Variants in CDHR1 observed in about 807,000 individuals in gnomAD.
The protein encoded by CDHR1 is cadherin related family member 1, also known as cadherin-related family member 1.
In CDHR1, 61 loss-of-function variants were observed where a neutral mutation model predicts 72.1. The ratio of observed to expected loss-of-function variants is 0.85; its 90% CI spans 0.69 to 1.05. The LOEUF (loss-of-function observed/expected upper bound fraction) is 1.05, where lower values mean the gene tolerates loss of function less well. Among genes scored for constraint, CDHR1 ranks in the 50% least tolerant of loss-of-function variants. CDHR1 has a pLI of 0.00. For synonymous variants in CDHR1, 470 were observed against 448.1 expected (o/e 1.05, Z -0.62); for missense variants, 1,186 against 1,115.7 (o/e 1.06, Z -0.90).
At chr10:84,210,548 T>A (rs1203384069) in intron 12 of CDHR1, among the ~76,000 whole-genome samples, 1 of 152,212 alleles carries the variant, frequency 6.6e-6, no homozygotes, top group Non-Finnish European at 1.5e-5. Context: ...ATTACAGGTG[T>A]GAGCCACTGC....
intron 9 of CDHR1, 51 bp downstream of exon 9, chr10:84,204,656 G>T: frequency 7.8e-7 from 1 of 1,281,556 alleles, no homozygotes; most frequent in South Asian, 1.2e-5. Context: ...TAGGTGACCA[G>T]AGCAAGGTTC....
intron 8 of CDHR1, among the ~76,000 whole-genome samples, chr10:84,203,807 T>C (rs897609900): frequency 6.6e-6 from 1 of 152,156 alleles, no homozygotes; most frequent in African/African-American, 2.4e-5. Context: ...GCCGGACTGC[T>C]CTGGATGGGG....
At chr10:84,212,986 C>G in intron 15 of CDHR1, 105 bp from the exon 16 acceptor site, 1 of 1,408,176 alleles carries the variant, frequency 7.1e-7, no homozygotes, top group Non-Finnish European at 1.0e-6. Flanking sequence ...AGGATCAGGA[C>G]CATTTCCCAT....
In CDHR1 at chr10:84,208,813, CA is replaced by C; in HGVS notation, c.1254del (p.Val419SerfsTer19). 1 of 1,614,198 alleles carries C rather than the reference CA, an allele frequency of 6.2e-7. No individual in the cohort carries two copies. The highest frequency in any genetic ancestry group is 8.5e-7 in the Non-Finnish European group (1 of 1,180,018). On this transcript the variant is annotated frameshift_variant, in exon 12 of 17. Transcript: ENST00000623527. LOFTEE classifies it high-confidence loss of function. ...TCCACAGACAGTCCTGAATGAAGCC[CA>C]AGTCACAATCATTGTGGAGAACTCA... ...VVPQTVLNEA[Q>X]VTIIVENSAA...
intron 13 of CDHR1, 36 bp downstream of exon 13, chr10:84,211,201 A>G: frequency 6.2e-7 from 1 of 1,609,762 alleles, no homozygotes; most frequent in Non-Finnish European, 8.5e-7. Flanking sequence ...TGGGTGGGAT[A>G]GGAGGCCTTG....
chr10:84,211,745 C>A (rs756801491), intron 14 of CDHR1, 30 bp downstream of exon 14: 96 of 1,591,016 alleles, frequency 6.0e-5, no homozygotes, highest in Non-Finnish European at 6.3e-5. Context: ...AGGACAGGGC[C>A]TTGGGCAAGG....
At chr10:84,219,393 G>A (rs1372148952), downstream of CDHR1, 12 of 1,430,736 alleles carry the variant, frequency 8.4e-6, no homozygotes, top group Middle Eastern at 2.4e-4. Flanking sequence ...GCTCTCCCCT[G>A]CACTGCTTGC....
Position 84,215,238 on chromosome 10 carries a change from C to T in CDHR1, c.*617C>T. The T allele has an allele frequency of 1.0e-6, 1 of 992,744 alleles. No individual in the cohort carries two copies. The highest frequency in any genetic ancestry group is 4.6e-5 in the South Asian group (1 of 21,976). The allele number at this position is 992,744 out of a possible 1,614,324, so 61.5% of individuals were successfully genotyped here. ...GGAAAGATAGAGCATTCTGTCTGGG[C>T]AGAGACTGTGGACCCTGGTATGCCC... On this transcript the variant is annotated 3_prime_UTR_variant, in exon 17 of 17. Coordinates refer to ENST00000623527, the MANE Select transcript of CDHR1 (RefSeq NM_033100.4).
intron 10 of CDHR1, among the ~76,000 whole-genome samples, chr10:84,207,679 T>C (rs1463098622): frequency 6.6e-6 from 1 of 152,168 alleles, no homozygotes; most frequent in African/African-American, 2.4e-5. Flanking sequence ...TACACATTCA[T>C]ATCTCATAGT....
rs1443966998 is a variant in CDHR1 at position 84,215,320 on chromosome 10, T to C, written c.*699T>C. 1 of 986,700 alleles carries C rather than the reference T, an allele frequency of 1.0e-6. No homozygotes were observed. Among genetic ancestry groups the C allele is most frequent in the Non-Finnish European group, 1.2e-6 (1 of 830,974 alleles). 61.1% of individuals were successfully genotyped at this position (986,700 alleles called of 1,614,324 possible). On this transcript the variant is annotated 3_prime_UTR_variant, in exon 17 of 17. Coordinates refer to ENST00000623527, the MANE Select transcript of CDHR1 (RefSeq NM_033100.4). Reference sequence around the variant, plus strand: ...TGATCTTGCCAAGAGTGAGGGCAGATGTCTCCAGCCAGGACTGCCCTGAGC... The same window carrying C: ...TGATCTTGCCAAGAGTGAGGGCAGACGTCTCCAGCCAGGACTGCCCTGAGC...
chr10:84,209,329 G>C (rs1358416306), intron 12 of CDHR1, among the ~76,000 whole-genome samples: 1 of 152,038 alleles, frequency 6.6e-6, no homozygotes, highest in Non-Finnish European at 1.5e-5. Context: ...TATATAATAT[G>C]TTAATAGGAA....
Position 84,214,899 on chromosome 10 carries a change from C to T in CDHR1, c.*278C>T. On this transcript the variant is annotated 3_prime_UTR_variant, in exon 17 of 17. Coordinates refer to ENST00000623527, the MANE Select transcript of CDHR1 (RefSeq NM_033100.4). ...CAAATCCTTGGCACTACTACAATGCCCTCCATTCTTCAGGGCTGAGAATTG... is the reference window on the plus strand; with the variant it reads ...CAAATCCTTGGCACTACTACAATGCTCTCCATTCTTCAGGGCTGAGAATTG... 1 of 1,390,916 alleles carries T rather than the reference C, an allele frequency of 7.2e-7. No individual in the cohort carries two copies. Among genetic ancestry groups the T allele is most frequent in the Admixed American group, 2.9e-5 (1 of 34,008 alleles). 86.2% of individuals were successfully genotyped at this position (1,390,916 alleles called of 1,614,324 possible).
Position 84,200,684 on chromosome 10 carries a change from G to T in CDHR1, c.522G>T (p.Leu174=). 1 of 1,607,096 alleles carries T rather than the reference G, an allele frequency of 6.2e-7. No individual in the cohort carries two copies. The highest frequency in any genetic ancestry group is 1.7e-4 in the Middle Eastern group (1 of 6,026). Residue 174 remains leucine (L), a synonymous_variant, in exon 6 of 17, where the codon CTG becomes CTT. Coordinates refer to ENST00000623527, the MANE Select transcript of CDHR1 (RefSeq NM_033100.4). ...CTGGAGGGAGTGTCACCTACTTCCT[G>T]CAGGTAAGGCAGGACACACAGGACC... The part of the protein sequence containing the change: ...TGSGGSVTYF[L]QNLHSPFAVD...
At chr10:84,203,215 G>A in intron 8 of CDHR1, 92 bp downstream of exon 8, 5 of 1,542,232 alleles carry the variant, frequency 3.2e-6, no homozygotes, top group South Asian at 1.1e-5. Context: ...GAGATGGCTG[G>A]TCTGGTCCCG....
intron 9 of CDHR1, among the ~76,000 whole-genome samples, chr10:84,204,975 G>T (rs1842198586): frequency 6.6e-6 from 1 of 152,182 alleles, no homozygotes; most frequent in South Asian, 2.1e-4. Context: ...GCATATAGAT[G>T]AATTAAATGA....
intron 10 of CDHR1, among the ~76,000 whole-genome samples, chr10:84,206,544 A>G (rs1842229628): frequency 6.6e-6 from 1 of 152,216 alleles, no homozygotes; most frequent in African/African-American, 2.4e-5. Context: ...CCTGCAAATT[A>G]TGTAGCTGGT....
At chr10:84,208,704 T>G (rs1292755456) in intron 11 of CDHR1, 25 bp from the exon 12 acceptor site, 1 of 1,610,866 alleles carries the variant, frequency 6.2e-7, no homozygotes, top group Non-Finnish European at 8.5e-7. Context: ...TCATCTTCCT[T>G]GTTTCCACTC....
chr10:84,218,327 T>G lies in CDHR1; in HGVS notation c.*3706T>G, dbSNP rs1842459005. Reference sequence around the variant, plus strand: ...AAGCAGAGTAGCAACAGGCTGATGTTGGGGACATCGGTTTGATGTTATAAA... The same window carrying G: ...AAGCAGAGTAGCAACAGGCTGATGTGGGGGACATCGGTTTGATGTTATAAA... On this transcript the variant is annotated 3_prime_UTR_variant, in exon 17 of 17. Transcript: ENST00000623527. 1 of 985,308 alleles carries G rather than the reference T, an allele frequency of 1.0e-6. No homozygotes were observed. Among genetic ancestry groups the G allele is most frequent in the African/African-American group, 1.7e-5 (1 of 57,242 alleles). The allele number at this position is 985,308 out of a possible 1,614,324, so 61.0% of individuals were successfully genotyped here. A position where few individuals can be genotyped will look rare whatever the true frequency, so the allele number is the denominator to read the frequency against.
chr10:84,196,921 T>C (rs1030229325), intron 3 of CDHR1, among the ~76,000 whole-genome samples: 1 of 152,164 alleles, frequency 6.6e-6, no homozygotes, highest in African/African-American at 2.4e-5. Context: ...CATGTTCCAT[T>C]AAAAATAAAT....
Sources: gnomAD v4.1 joint callset for allele counts (sites outside exome capture counted in the v4.1 genomes callset) on GRCh38, gnomAD v4.1.1 for gene constraint, MANE v1.5 for transcripts, NCBI Gene and HGNC (gene_info 2026-07-23, HGNC 2026-07-21) for gene names.